The following TNFRSF19 variants were observed in gnomAD, a reference collection of about 807,000 sequenced individuals.
TNFRSF19 encodes the protein tumor necrosis factor receptor superfamily member 19.
Under a neutral mutation model 46.4 loss-of-function variants are expected in TNFRSF19, and 27 were observed. The ratio of observed to expected loss-of-function variants is 0.58; its 90% CI spans 0.43 to 0.80. The LOEUF (loss-of-function observed/expected upper bound fraction) is 0.80. Among genes scored for constraint, TNFRSF19 ranks in the 30% least tolerant of loss-of-function variants. TNFRSF19 has a pLI of 0.00. For missense variants in TNFRSF19, 511 were observed against 530.8 expected (o/e 0.96, Z 0.37); for synonymous variants, 204 against 205.0 (o/e 1.00, Z 0.04).
At chr13:23,587,820 T>C (rs1878952719) in intron 1 of TNFRSF19, among the ~76,000 whole-genome samples, 2 of 152,328 alleles carry the variant, frequency 1.3e-5, no homozygotes, top group South Asian at 4.1e-4. Context: ...GAGAAAAAGC[T>C]ATCCTTTTTT....
intron 4 of TNFRSF19, among the ~76,000 whole-genome samples, chr13:23,617,595 C>A (rs1881390475): frequency 6.6e-6 from 1 of 152,168 alleles, no homozygotes; most frequent in Non-Finnish European, 1.5e-5. Context: ...TGACCAAAGA[C>A]AGAAGAGAGA....
intron 5 of TNFRSF19, among the ~76,000 whole-genome samples, chr13:23,655,763 G>GTTTTGTTTTTGT (rs569750843): frequency 6.7e-6 from 1 of 148,872 alleles, no homozygotes; most frequent in Non-Finnish European, 1.5e-5. Flanking sequence ...TTTTGGTTTT[G>GTTTTGTTTTTGT]TTTTGTTTTT....
intron 5 of TNFRSF19, among the ~76,000 whole-genome samples, chr13:23,637,911 A>T (rs977060109): frequency 6.6e-6 from 1 of 152,222 alleles, no homozygotes; most frequent in Non-Finnish European, 1.5e-5. Context: ...CGGAGCCCAA[A>T]ATGGAGCCTG....
chr13:23,672,763 C>G (rs998785582), intron 9 of TNFRSF19, among the ~76,000 whole-genome samples: 1 of 152,210 alleles, frequency 6.6e-6, no homozygotes. Context: ...GCATTGACGT[C>G]AGTGCCCTTT....
chr13:23,612,714 TAAAC>T (rs1279797818), intron 3 of TNFRSF19, among the ~76,000 whole-genome samples: 4 of 152,210 alleles, frequency 2.6e-5, no homozygotes, highest in Admixed American at 1.3e-4. Context: ...ATTTCCCAAA[TAAAC>T]AGTCTTTATG....
intron 1 of TNFRSF19, chr13:23,579,360 G>C (rs1446722758): frequency 6.6e-6 from 1 of 152,624 alleles, no homozygotes; most frequent in African/African-American, 2.4e-5. Flanking sequence ...GGTGGCGGCC[G>C]TTGCCGGGCT....
chr13:23,586,649 T>C (rs1878864857), intron 1 of TNFRSF19, among the ~76,000 whole-genome samples: 1 of 152,206 alleles, frequency 6.6e-6, no homozygotes, highest in Admixed American at 6.5e-5. Context: ...ATAACACCTA[T>C]TGGATTTATC....
intron 4 of TNFRSF19, among the ~76,000 whole-genome samples, chr13:23,622,733 CT>C (rs1228858038): frequency 2.0e-5 from 3 of 152,008 alleles, no homozygotes; most frequent in African/African-American, 7.2e-5. Context: ...CATTTTTTAA[CT>C]TTTTTTGCTT....
At chr13:23,615,754 G>T in intron 3 of TNFRSF19, 113 bp from the exon 4 acceptor site, 1 of 1,125,868 alleles carries the variant, frequency 8.9e-7, no homozygotes, top group East Asian at 2.6e-5. Context: ...TTTGTGTCTA[G>T]GAAGGCCGAC....
chr13:23,600,680 C>T (rs1880075434), intron 3 of TNFRSF19, among the ~76,000 whole-genome samples: 1 of 152,158 alleles, frequency 6.6e-6, no homozygotes, highest in South Asian at 2.1e-4. Context: ...CAGAGCCTAA[C>T]TGACCTGGGG....
Position 23,659,093 on chromosome 13 carries a change from C to T in TNFRSF19, c.489C>T (p.Ser163=), listed in dbSNP as rs765641522. Residue 163 remains serine, a synonymous_variant, in exon 6 of 10, where the codon TCC becomes TCT. Coordinates refer to ENST00000248484, the MANE Select transcript of TNFRSF19 (RefSeq NM_148957.4). The surrounding 1 kb of genome is among the most constrained non-coding windows in gnomAD (Gnocchi z 4.9). ...TCGTGAAGATCGCGTCCACGGCCTCCAGCCCACGGGACACGGCGCTGGCTG... is the reference window on the plus strand; with the variant it reads ...TCGTGAAGATCGCGTCCACGGCCTCTAGCCCACGGGACACGGCGCTGGCTG... The part of the protein sequence containing the change: ...VNLVKIASTA[S]SPRDTALAAV... 4 of 1,613,964 alleles carry T rather than the reference C, an allele frequency of 2.5e-6. No individual in the cohort carries two copies. The African/African-American group carries it at 4.0e-5, about 16-fold the overall frequency.
chr13:23,673,256 T>C, intron 9 of TNFRSF19, 116 bp from the exon 10 acceptor site: 1 of 1,105,836 alleles, frequency 9.0e-7, no homozygotes. Flanking sequence ...ATGCTATTAT[T>C]ATATCCATGT....
intron 1 of TNFRSF19, among the ~76,000 whole-genome samples, chr13:23,575,372 G>C (rs536914432): frequency 5.9e-4 from 90 of 152,262 alleles, no homozygotes; most frequent in African/African-American, 1.9e-3. Flanking sequence ...ATTGGTTTAC[G>C]CACCCATGGT....
At chr13:23,584,314 G>A (rs188958875) in intron 1 of TNFRSF19, among the ~76,000 whole-genome samples, 27 of 152,190 alleles carry the variant, frequency 1.8e-4, no homozygotes, top group African/African-American at 6.3e-4. Context: ...TTATGAGTAA[G>A]AACATACAAT....
chr13:23,660,501 C>A lies in TNFRSF19; in HGVS notation c.736+11C>A, dbSNP rs748544242. 1 of 1,611,118 alleles carries A rather than the reference C, an allele frequency of 6.2e-7. No homozygotes were observed. Among genetic ancestry groups the A allele is most frequent in the Non-Finnish European group, 8.5e-7 (1 of 1,179,188 alleles). ...CAGTGCAGACCTGCGGTAAGTTCAGCAGGGAAGTGCCGTTAGGAGGACTGG... is the reference window on the plus strand; with the variant it reads ...CAGTGCAGACCTGCGGTAAGTTCAGAAGGGAAGTGCCGTTAGGAGGACTGG... On this transcript the variant is annotated intron_variant, in intron 7 of 9. Transcript: ENST00000248484.
intron 7 of TNFRSF19, among the ~76,000 whole-genome samples, chr13:23,662,000 A>G (rs1001411589): frequency 3.3e-5 from 5 of 152,104 alleles, no homozygotes; most frequent in African/African-American, 1.2e-4. Context: ...GTTTACTCTG[A>G]TGATAGTTTC....
At chr13:23,611,028 A>T (rs1415323989) in intron 3 of TNFRSF19, among the ~76,000 whole-genome samples, 2 of 152,118 alleles carry the variant, frequency 1.3e-5, no homozygotes, top group Non-Finnish European at 2.9e-5. Context: ...CTCCATAAAC[A>T]TAATCACATA....
intron 5 of TNFRSF19, among the ~76,000 whole-genome samples, chr13:23,634,670 C>T (rs868335517): frequency 2.6e-5 from 4 of 152,290 alleles, no homozygotes; most frequent in Middle Eastern, 3.4e-3. Context: ...TGGAGGAAAG[C>T]AGACTCACAT....
intron 1 of TNFRSF19, among the ~76,000 whole-genome samples, chr13:23,589,256 A>T (rs1879078002): frequency 6.6e-6 from 1 of 151,598 alleles, no homozygotes; most frequent in African/African-American, 2.4e-5. Context: ...AAACAGCCAG[A>T]TTTGGTTCTA....
Sources: gnomAD v4.1 joint callset for allele counts (sites outside exome capture counted in the v4.1 genomes callset) on GRCh38, gnomAD v4.1.1 for gene constraint, Gnocchi (gnomAD v3.1) non-coding constraint, MANE v1.5 for transcripts, NCBI Gene and HGNC (gene_info 2026-07-23, HGNC 2026-07-21) for gene names.